The following SNX24 variants were observed in gnomAD, a reference collection of about 807,000 sequenced individuals.
SNX24 encodes the protein sorting nexin 24, also known as sorting nexin-24.
A neutral mutation model predicts 28.7 loss-of-function variants in SNX24; 22 were observed. That is an observed-to-expected ratio of 0.77 (90% CI 0.55 to 1.10). The LOEUF (loss-of-function observed/expected upper bound fraction) is 1.10. SNX24 is among the 50% of genes least tolerant of loss of function. The pLI, the probability that SNX24 is intolerant of heterozygous loss-of-function variation, is 0.00. For missense variants in SNX24, 221 were observed against 201.1 expected (o/e 1.10, Z -0.60); for synonymous variants, 69 against 71.5 (o/e 0.96, Z 0.18).
chr5:122,949,372 AT>A (rs1404537802), intron 3 of SNX24, among the ~76,000 whole-genome samples: 2 of 152,192 alleles, frequency 1.3e-5, no homozygotes, highest in Non-Finnish European at 2.9e-5. Context: ...AATTTAAGTA[AT>A]TTTAGTTTAA....
intron 1 of SNX24, among the ~76,000 whole-genome samples, chr5:122,895,918 G>A (rs1204874867): frequency 6.6e-6 from 1 of 152,222 alleles, no homozygotes; most frequent in Non-Finnish European, 1.5e-5. Flanking sequence ...GACAGCCAAG[G>A]TGGGCAAATC....
intron 3 of SNX24, among the ~76,000 whole-genome samples, chr5:122,950,723 G>A (rs1759901837): frequency 6.6e-6 from 1 of 152,154 alleles, no homozygotes; most frequent in Non-Finnish European, 1.5e-5. Flanking sequence ...TGAGTTAAGT[G>A]AATCAAAGCC....
At chr5:122,933,896 C>T (rs246311) in intron 1 of SNX24, among the ~76,000 whole-genome samples, 116,630 of 151,508 alleles carry the variant, frequency 0.77, 45,763 homozygotes, top group East Asian at 0.99. Flanking sequence ...GATTCTCCTG[C>T]CTCAGCCTGC....
chr5:122,954,786 C>A (rs773305348), intron 3 of SNX24, among the ~76,000 whole-genome samples: 2 of 151,732 alleles, frequency 1.3e-5, no homozygotes, highest in Non-Finnish European at 2.9e-5. Context: ...TTTAAAAAGG[C>A]TGTTTTCAAT....
chr5:123,016,512 A>G (rs1233159975), intron 5 of SNX24, among the ~76,000 whole-genome samples: 1 of 152,186 alleles, frequency 6.6e-6, no homozygotes, highest in Non-Finnish European at 1.5e-5. Flanking sequence ...CTCACACTTT[A>G]TCTGAGTTAT....
Position 122,997,550 on chromosome 5 carries a change from CATTG to C in SNX24, c.250-2361_250-2358del, listed in dbSNP as rs1172928786. 5.3e-5 allele frequency among the ~76,000 whole-genome samples: 8 copies of C among 152,274 alleles called. No individual in the cohort carries two copies. In the East Asian group the frequency reaches 1.5e-3, roughly 29 times the overall value. On this transcript the variant is annotated intron_variant, in intron 3 of 6. Coordinates refer to ENST00000261369, the MANE Select transcript of SNX24 (RefSeq NM_014035.4). ...GATCATGCCGTAGATGTAGCCAGTGCATTGTAAGCCGATCTGTCAAGGCAAATAA... is the reference window on the plus strand; with the variant it reads ...GATCATGCCGTAGATGTAGCCAGTGCTAAGCCGATCTGTCAAGGCAAATAA...
chr5:122,998,346 A>G (rs1045938809), intron 3 of SNX24: 1 of 152,142 alleles, frequency 6.6e-6, no homozygotes, highest in African/African-American at 2.4e-5. Context: ...AGGCAAGTTT[A>G]AGTTGTTGTT....
At chr5:122,913,149 A>G (rs1220752191) in intron 1 of SNX24, among the ~76,000 whole-genome samples, 1 of 152,198 alleles carries the variant, frequency 6.6e-6, no homozygotes, top group African/African-American at 2.4e-5. Flanking sequence ...CGATTTCTCA[A>G]TCTTTTCCCC....
rs1274289419 is a variant in SNX24 at position 122,882,939 on chromosome 5, T to C, written c.60+37246T>C. 5.9e-5 allele frequency among the ~76,000 whole-genome samples: 9 copies of C among 151,838 alleles called. No homozygotes were observed. In the East Asian group the frequency reaches 1.7e-3, roughly 29 times the overall value. On this transcript the variant is annotated intron_variant, in intron 1 of 6. Transcript: ENST00000261369. ...GGGAAAAATGGGAGTAGGAGAGGAA[T>C]TGGAGAAAGCTGGGCAGGGAGACAG... is the stretch of plus-strand genomic sequence containing the variant.
At chr5:122,849,065 G>C (rs1003277373) in intron 1 of SNX24, among the ~76,000 whole-genome samples, 2 of 152,146 alleles carry the variant, frequency 1.3e-5, no homozygotes, top group Admixed American at 6.5e-5. Context: ...TGATGGCCAG[G>C]AAATCCTTGG....
chr5:122,909,974 C>A (rs747652593), intron 1 of SNX24, among the ~76,000 whole-genome samples: 4 of 152,136 alleles, frequency 2.6e-5, no homozygotes, highest in Non-Finnish European at 4.4e-5. Context: ...AGGAATGCAA[C>A]TTTGAAGCCA....
chr5:122,935,127 C>T (rs541438021), intron 1 of SNX24, among the ~76,000 whole-genome samples: 35 of 152,236 alleles, frequency 2.3e-4, no homozygotes, highest in Admixed American at 1.0e-3. Flanking sequence ...AACAATAAGA[C>T]CCAGAACATA....
intron 1 of SNX24, among the ~76,000 whole-genome samples, chr5:122,889,306 G>GTATCTA (rs901447616): frequency 1.3e-5 from 2 of 151,294 alleles, no homozygotes; most frequent in African/African-American, 2.4e-5. Flanking sequence ...TTTTTTATAG[G>GTATCTA]TATCTATATC....
At chr5:122,933,129 C>A (rs1759032900) in intron 1 of SNX24, among the ~76,000 whole-genome samples, 1 of 152,202 alleles carries the variant, frequency 6.6e-6, no homozygotes, top group African/African-American at 2.4e-5. Context: ...TCTCTTCAGA[C>A]CTGGCTTTGA....
intron 1 of SNX24, among the ~76,000 whole-genome samples, chr5:122,884,944 T>C (rs1756641627): frequency 6.6e-6 from 1 of 152,230 alleles, no homozygotes; most frequent in South Asian, 2.1e-4. Context: ...AGGACCATTG[T>C]ACCAAATTGG....
At chr5:123,014,290 C>T (rs904177304) in intron 5 of SNX24, among the ~76,000 whole-genome samples, 6 of 149,326 alleles carry the variant, frequency 4.0e-5, no homozygotes, top group African/African-American at 1.5e-4. Flanking sequence ...CCTCAGCGTA[C>T]CAAGTAGCTG....
chr5:123,002,788 G>C (rs879671245), intron 6 of SNX24, among the ~76,000 whole-genome samples: 24 of 152,214 alleles, frequency 1.6e-4, no homozygotes, highest in Non-Finnish European at 3.1e-4. Flanking sequence ...TCTGTGCAAA[G>C]AAATTTAAAT....
chr5:122,863,844 C>T (rs897179527), intron 1 of SNX24, among the ~76,000 whole-genome samples: 7 of 152,126 alleles, frequency 4.6e-5, no homozygotes, highest in Non-Finnish European at 7.4e-5. Flanking sequence ...CATGAGGCAC[C>T]GTACCTAGCC....
intron 1 of SNX24, among the ~76,000 whole-genome samples, chr5:122,910,678 C>A (rs1359229883): frequency 3.0e-5 from 4 of 134,140 alleles, no homozygotes; most frequent in Non-Finnish European, 4.6e-5. Context: ...TCCATGTGTT[C>A]TCATTGTTCA....
Sources: gnomAD v4.1 joint callset for allele counts (sites outside exome capture counted in the v4.1 genomes callset) on GRCh38, gnomAD v4.1.1 for gene constraint, MANE v1.5 for transcripts, NCBI Gene and HGNC (gene_info 2026-07-23, HGNC 2026-07-21) for gene names.